CTNND2: variants seen among roughly 807,000 people sequenced by gnomAD.
CTNND2 encodes the protein catenin delta 2, also known as catenin delta-2.
Under a neutral mutation model 144.4 loss-of-function variants are expected in CTNND2, and 22 were observed. The ratio of observed to expected loss-of-function variants is 0.15; its 90% CI spans 0.11 to 0.22. CTNND2 has a LOEUF of 0.22. Among genes scored for constraint, CTNND2 ranks in the 10% least tolerant of loss-of-function variants. The pLI is 1.00. For missense variants in CTNND2, 1,353 were observed against 1,618.8 expected (o/e 0.84, Z 2.82); for synonymous variants, 751 against 695.6 (o/e 1.08, Z -1.25).
chr5:11,508,794 C>G (rs1053587385), intron 3 of CTNND2, among the ~76,000 whole-genome samples: 1 of 152,090 alleles, frequency 6.6e-6, no homozygotes, highest in African/African-American at 2.4e-5. Context: ...GCCTGTAATC[C>G]CAGCTACTTG....
chr5:11,168,998 A>T (rs970053468), intron 11 of CTNND2, among the ~76,000 whole-genome samples: 1 of 152,208 alleles, frequency 6.6e-6, no homozygotes, highest in African/African-American at 2.4e-5. Flanking sequence ...GATCAAAAAT[A>T]ATTTAAGTGC....
At chr5:11,381,743 A>G (rs1758501202) in intron 7 of CTNND2, among the ~76,000 whole-genome samples, 1 of 152,114 alleles carries the variant, frequency 6.6e-6, no homozygotes, top group South Asian at 2.1e-4. Context: ...CGAGGCGGGC[A>G]GATCACGAGG....
At chr5:11,150,369 G>C (rs1434113933) in intron 12 of CTNND2, among the ~76,000 whole-genome samples, 2 of 152,168 alleles carry the variant, frequency 1.3e-5, no homozygotes, top group Non-Finnish European at 2.9e-5. Context: ...CTAGGAAAGG[G>C]GGCCAGAGAG....
chr5:11,713,251 C>G (rs955845687), intron 2 of CTNND2, among the ~76,000 whole-genome samples: 1 of 152,068 alleles, frequency 6.6e-6, no homozygotes, highest in Non-Finnish European at 1.5e-5. Flanking sequence ...AAAAACTATT[C>G]TTTGTGGAGA....
intron 6 of CTNND2, among the ~76,000 whole-genome samples, chr5:11,390,740 T>G (rs1759558597): frequency 6.6e-6 from 1 of 152,230 alleles, no homozygotes; most frequent in Admixed American, 6.5e-5. Context: ...AGCCCCGTTT[T>G]GTGGCTTCCC....
At chr5:11,324,445 T>A (rs1254386597) in intron 9 of CTNND2, among the ~76,000 whole-genome samples, 1 of 152,168 alleles carries the variant, frequency 6.6e-6, no homozygotes, top group African/African-American at 2.4e-5. Flanking sequence ...TAGTAAGCCA[T>A]CATATACTCG....
At chr5:11,457,740 C>T (rs967855292) in intron 3 of CTNND2, among the ~76,000 whole-genome samples, 1 of 152,196 alleles carries the variant, frequency 6.6e-6, no homozygotes, top group Admixed American at 6.5e-5. Flanking sequence ...TCCAGCAGAG[C>T]AGATTTCTGC....
In CTNND2 at chr5:11,464,960, T is replaced by C. The variant is rs1032001669; in HGVS notation, c.288-52891A>G. 9.2e-5 allele frequency among the ~76,000 whole-genome samples: 14 copies of C among 152,178 alleles called. No homozygotes were observed. The East Asian group carries it at 2.7e-3, about 29-fold the overall frequency. ...ATGCCTTCCTCAGTTATTGTGAGTA[T>C]GGGCTGAGATCCCAAAATGATCTCT... On this transcript the variant is annotated intron_variant, in intron 3 of 21. Transcript: ENST00000304623.
At chr5:11,489,576 C>T (rs1015677596) in intron 3 of CTNND2, among the ~76,000 whole-genome samples, 21 of 152,062 alleles carry the variant, frequency 1.4e-4, no homozygotes, top group Non-Finnish European at 2.9e-4. Flanking sequence ...GTTTTACTTC[C>T]TTGGAGTGAA....
chr5:10,984,671 T>C (rs916213479), intron 20 of CTNND2, among the ~76,000 whole-genome samples: 1 of 152,042 alleles, frequency 6.6e-6, no homozygotes, highest in African/African-American at 2.4e-5. Context: ...TGCCCTCATA[T>C]GACCGAGCTA....
intron 1 of CTNND2, among the ~76,000 whole-genome samples, chr5:11,898,972 G>A (rs1391080801): frequency 6.6e-6 from 1 of 152,162 alleles, no homozygotes; most frequent in African/African-American, 2.4e-5. Context: ...ATCATCCCAA[G>A]GAGCTGGACA....
intron 9 of CTNND2, among the ~76,000 whole-genome samples, chr5:11,264,173 A>G (rs1470911728): frequency 3.3e-5 from 5 of 152,152 alleles, no homozygotes; most frequent in African/African-American, 9.7e-5. Context: ...AGAATTGTCA[A>G]TTTTCCAAAG....
chr5:11,068,742 C>T (rs180676314), intron 16 of CTNND2, among the ~76,000 whole-genome samples: 4 of 152,192 alleles, frequency 2.6e-5, no homozygotes, highest in East Asian at 1.9e-4. Context: ...GGTGAAACCC[C>T]GTCTCTACTA....
intron 2 of CTNND2, among the ~76,000 whole-genome samples, chr5:11,615,570 A>T (rs1330322210): frequency 6.6e-6 from 1 of 152,178 alleles, no homozygotes; most frequent in African/African-American, 2.4e-5. Flanking sequence ...GAAATCATCT[A>T]CTCAAAACCC....
At chr5:11,030,754 G>GTTTTTTTTTT (rs61312361) in intron 16 of CTNND2, among the ~76,000 whole-genome samples, 1 of 100,770 alleles carries the variant, frequency 9.9e-6, no homozygotes, top group Admixed American at 9.8e-5. Flanking sequence ...TATGGTTTCT[G>GTTTTTTTTTT]TTTTTTTTTT....
chr5:11,385,100 C>T lies in CTNND2; in HGVS notation c.742G>A (p.Ala248Thr), dbSNP rs1206155713. The T allele has an allele frequency of 5.8e-6, 6 of 1,031,566 alleles. No homozygotes were observed. The highest frequency in any genetic ancestry group is 7.9e-5 in the South Asian group (2 of 25,264). The allele number at this position is 1,031,566 out of a possible 1,614,324, so 63.9% of individuals were successfully genotyped here. The change falls in exon 7 of 22, where the codon GCC (alanine) becomes ACC (threonine). Residue 248 changes from alanine to threonine, a missense_variant. Ala to Thr is a moderately conservative substitution (Grantham distance 58). Transcript: ENST00000304623. ...CTGGAGTAGTAGAGCGCGGCGGCGG[C>T]GGCGGCGGGCGGCGCGTCGGGCAGG... ...FHLPDAPPAA[A>T]AAALYYSSST...
intron 1 of CTNND2, among the ~76,000 whole-genome samples, chr5:11,902,664 T>A (rs942692365): frequency 3.9e-5 from 6 of 152,188 alleles, no homozygotes; most frequent in African/African-American, 1.4e-4. Flanking sequence ...AATACTATGC[T>A]GACAACATTC....
intron 2 of CTNND2, among the ~76,000 whole-genome samples, chr5:11,731,457 T>C (rs1051904451): frequency 2.0e-5 from 3 of 152,228 alleles, no homozygotes; most frequent in South Asian, 2.1e-4. Flanking sequence ...AAAACCGTTA[T>C]ACTTTCTAGC....
intron 16 of CTNND2, among the ~76,000 whole-genome samples, chr5:11,052,558 C>T (rs760425024): frequency 1.3e-5 from 2 of 152,228 alleles, no homozygotes; most frequent in South Asian, 4.1e-4. Context: ...CCTGTTTCTA[C>T]CAATCCTGAA....
Sources: allele counts gnomAD v4.1 joint callset (sites outside exome capture counted in the v4.1 genomes callset), GRCh38; gene constraint gnomAD v4.1.1; transcripts MANE v1.5; gene names NCBI Gene and HGNC (gene_info 2026-07-23, HGNC 2026-07-21).